Variants in CDH7 observed in about 807,000 individuals in gnomAD.
CDH7 encodes the protein cadherin-7.
In CDH7, 25 loss-of-function variants were observed where a neutral mutation model predicts 71.8. The observed-to-expected ratio is 0.35, with a 90% confidence interval of 0.25 to 0.49. The LOEUF is 0.49. Among genes scored for constraint, CDH7 ranks in the 20% least tolerant of loss-of-function variants. The pLI is 0.99. For missense variants in CDH7, 862 were observed against 974.6 expected, an observed-to-expected ratio of 0.88 and a Z score of 1.54; for synonymous variants, 381 against 363.8, an observed-to-expected ratio of 1.05 and a Z score of -0.54.
chr18:65,810,092 A>C (rs984066140), intron 3 of CDH7, 94 bp downstream of exon 3: 20 of 1,107,822 alleles, frequency 1.8e-5, no homozygotes, highest in Non-Finnish European at 2.5e-5. Flanking sequence ...AAAAAAAAAA[A>C]AACCTTACTA....
At chr18:65,877,634 C>T (rs1268992839) in intron 11 of CDH7, among the ~76,000 whole-genome samples, 2 of 152,006 alleles carry the variant, frequency 1.3e-5, no homozygotes, top group African/African-American at 2.4e-5. Context: ...TAACAGGTGT[C>T]TTATTTCTAC....
rs370097391 is a variant in CDH7, at chr18:65,802,137, T to C, written c.211-7567T>C. Among the ~76,000 whole-genome samples, 98 of 152,320 alleles carry C rather than the reference T, an allele frequency of 6.4e-4. 2 individuals are homozygous for C. The highest frequency in any genetic ancestry group is 3.4e-3 in the Middle Eastern group (1 of 294). On this transcript the variant is annotated intron_variant, in intron 2 of 11. Transcript: ENST00000397968. ...AGAAGCATTCAAAAGAGTTTTCATG[T>C]AGGGTTTTTATTCATGGGCCCAGTG...
chr18:65,857,317 TATAATAATAATAATAATAATA>T (rs4047847), intron 7 of CDH7, among the ~76,000 whole-genome samples: 16 of 131,912 alleles, frequency 1.2e-4, no homozygotes, highest in Middle Eastern at 3.8e-3. Context: ...ACCCTGCATC[TATAATAATAATAATAATAATA>T]ATAATAATAA....
At chr18:65,750,875 C>A (rs1188674969), upstream of CDH7, 2 of 152,232 alleles carry the variant, frequency 1.3e-5, no homozygotes, top group African/African-American at 4.8e-5. Context: ...GCCGGAGGGG[C>A]CCCTCGCAGT....
At chr18:65,879,669 C>T (rs1914163427) in intron 11 of CDH7, among the ~76,000 whole-genome samples, 1 of 152,126 alleles carries the variant, frequency 6.6e-6, no homozygotes, top group South Asian at 2.1e-4. Context: ...GTGCAACCTC[C>T]TGCTTTAAGA....
chr18:65,817,774 T>A (rs1223981581), intron 4 of CDH7, among the ~76,000 whole-genome samples: 1 of 152,192 alleles, frequency 6.6e-6, no homozygotes, highest in Non-Finnish European at 1.5e-5. Flanking sequence ...AGTGCCATAC[T>A]TGATTTTATT....
intron 2 of CDH7, among the ~76,000 whole-genome samples, chr18:65,798,929 C>A (rs77655412): frequency 0.013 from 1,948 of 152,186 alleles, 31 homozygotes; most frequent in African/African-American, 0.045. Context: ...CAGCCCCTTG[C>A]ACACTCATTT....
chr18:65,773,573 C>A (rs1018672898), intron 2 of CDH7, among the ~76,000 whole-genome samples: 1 of 152,000 alleles, frequency 6.6e-6, no homozygotes, highest in Non-Finnish European at 1.5e-5. Flanking sequence ...ACAGATGATG[C>A]GACTTCAAGC....
At chr18:65,812,101 T>C (rs1317355237) in intron 3 of CDH7, among the ~76,000 whole-genome samples, 2 of 151,636 alleles carry the variant, frequency 1.3e-5, no homozygotes, top group Non-Finnish European at 2.9e-5. Flanking sequence ...CCCGAGTAGC[T>C]GGGACTACAG....
chr18:65,763,915 A>AT (rs1038001548), intron 2 of CDH7, among the ~76,000 whole-genome samples: 54 of 152,030 alleles, frequency 3.6e-4, no homozygotes, highest in Admixed American at 7.2e-4. Flanking sequence ...TTCCGGTTCA[A>AT]TTTTTTTAAT....
rs1568182646 is a variant in CDH7, at chr18:65,782,150, CTTTCTTTCTTTCTTCCTTTCTT to C, written c.210+19100_210+19121del. ...TCTTTCTTTCTTTCTTTCTTTCTTT[CTTTCTTTCTTTCTTCCTTTCTT>C]TCTTTCTTTCTTTCTTGACAGAGTC... is the stretch of plus-strand genomic sequence containing the variant. On this transcript the variant is annotated intron_variant, in intron 2 of 11. Transcript: ENST00000397968. Among the ~76,000 whole-genome samples, 134 of 105,522 alleles carry C rather than the reference CTTTCTTTCTTTCTTCCTTTCTT, an allele frequency of 1.3e-3. 11 individuals carry two copies. Among genetic ancestry groups the C allele is most frequent in the African/African-American group, 2.8e-3 (58 of 20,494 alleles). 69.2% of individuals were successfully genotyped at this position (105,522 alleles called of 152,430 possible).
chr18:65,810,080 TGA>T, intron 3 of CDH7, 82 bp downstream of exon 3: 1 of 1,059,178 alleles, frequency 9.4e-7, no homozygotes, highest in Non-Finnish European at 1.3e-6. Context: ...CATTAAGTAC[TGA>T]AAAAAAAAAA....
Position 65,880,445 on chromosome 18 carries a change from C to T in CDH7, c.1909C>T (p.Pro637Ser). The stretch of plus-strand genomic sequence containing the variant: ...CACTATGAGAAGACGGAAAAAAGAG[C>T]CCCTTATTTTTGACGAAGAAAGAGA... ...IVTMRRRKKE[P>S]LIFDEERDIR... is the part of the protein sequence containing the mutation. The change falls in exon 12 of 12, where the codon CCC becomes TCC. Residue 637 changes from proline (P) to serine (S), a missense_variant. By Grantham distance (74) the Pro-to-Ser change is moderately conservative (BLOSUM62 -1). Transcript: ENST00000397968. 6.4e-7 allele frequency: 1 copy of T among 1,566,936 alleles called. No individual in the cohort carries two copies.
intron 2 of CDH7, among the ~76,000 whole-genome samples, chr18:65,777,072 C>G (rs1010000320): frequency 7.9e-5 from 12 of 152,048 alleles, no homozygotes; most frequent in African/African-American, 2.7e-4. Context: ...CCGTTGCTAA[C>G]AAATCAGTTT....
chr18:65,817,207 A>G (rs1005046119), intron 4 of CDH7, among the ~76,000 whole-genome samples: 2 of 152,220 alleles, frequency 1.3e-5, no homozygotes, highest in Admixed American at 6.5e-5. Flanking sequence ...AAGTATAACT[A>G]CGTGGTGGCT....
At chr18:65,826,851 T>C (rs1912150096) in intron 6 of CDH7, among the ~76,000 whole-genome samples, 1 of 151,606 alleles carries the variant, frequency 6.6e-6, no homozygotes. Context: ...GTCACAGAGA[T>C]GGTTTTCAGT....
intron 1 of CDH7, among the ~76,000 whole-genome samples, chr18:65,754,477 A>G (rs1489101025): frequency 6.6e-6 from 1 of 152,212 alleles, no homozygotes; most frequent in Admixed American, 6.5e-5. Flanking sequence ...AATGTAAAAA[A>G]TTATACCTTT....
chr18:65,794,207 G>A (rs910884640), intron 2 of CDH7, among the ~76,000 whole-genome samples: 1 of 151,492 alleles, frequency 6.6e-6, no homozygotes, highest in Non-Finnish European at 1.5e-5. Flanking sequence ...TAAGATTATG[G>A]TGTACATTAC....
chr18:65,844,140 C>G, intron 7 of CDH7, 75 bp downstream of exon 7: 1 of 1,146,094 alleles, frequency 8.7e-7, no homozygotes, highest in Non-Finnish European at 1.2e-6. Flanking sequence ...ATTTTACGCT[C>G]TGATGTTCCT....
Sources: gnomAD v4.1 joint callset for allele counts (sites outside exome capture counted in the v4.1 genomes callset) on GRCh38, gnomAD v4.1.1 for gene constraint, MANE v1.5 for transcripts, NCBI Gene and HGNC (gene_info 2026-07-23, HGNC 2026-07-21) for gene names.